The following IPPK variants were observed in gnomAD, a reference collection of about 807,000 sequenced individuals.
IPPK encodes inositol-pentakisphosphate 2-kinase, also known as IPK1 homolog.
IPPK carries 22 observed loss-of-function variants against 64.6 expected under a neutral mutation model. That is an observed-to-expected ratio of 0.34 (90% CI 0.24 to 0.49). The LOEUF is 0.49. IPPK is among the 20% of genes least tolerant of loss of function. The probability of loss-of-function intolerance (pLI) is 0.99; values close to 1 mark genes in which losing one functional copy is unlikely to be tolerated. For missense variants in IPPK, 532 were observed against 630.7 expected (o/e 0.84, Z 1.68); for synonymous variants, 262 against 247.2 (o/e 1.06, Z -0.56).
intron 3 of IPPK, 91 bp from the exon 4 acceptor site, chr9:92,652,730 G>A: frequency 1.7e-6 from 1 of 600,668 alleles, no homozygotes; most frequent in Non-Finnish European, 2.9e-6. Context: ...CAGTTGAGCT[G>A]TTGGTTTTTA....
chr9:92,629,097 A>G (rs1208639232), intron 11 of IPPK, among the ~76,000 whole-genome samples: 1 of 152,120 alleles, frequency 6.6e-6, no homozygotes, highest in Non-Finnish European at 1.5e-5. Context: ...TGTCTCTGAA[A>G]AAAAAGAATG....
chr9:92,640,705 C>T lies in IPPK; in HGVS notation c.636+5G>A, dbSNP rs1424649452. On this transcript the variant is annotated splice_donor_5th_base_variant and intron_variant, in intron 8 of 12. Coordinates refer to ENST00000287996, the MANE Select transcript of IPPK (RefSeq NM_022755.6). ...AAACCACCATAGAATCAAAGCAGCT[C>T]TTACCTTAAATATCTTCAAGTTGTT... 3 of 1,601,234 alleles carry T rather than the reference C, an allele frequency of 1.9e-6. No individual in the cohort carries two copies. The highest frequency in any genetic ancestry group is 2.6e-6 in the Non-Finnish European group (3 of 1,168,310).
At chr9:92,655,889 A>G (rs1366333855) in intron 3 of IPPK, among the ~76,000 whole-genome samples, 4 of 152,132 alleles carry the variant, frequency 2.6e-5, no homozygotes, top group Admixed American at 2.0e-4. Context: ...CCAGGTCTCA[A>G]AACTACAGAT....
At chr9:92,642,654 TCCTA>T (rs1462478545) in intron 7 of IPPK, 94 bp downstream of exon 7, 12 of 1,032,434 alleles carry the variant, frequency 1.2e-5, no homozygotes, top group Non-Finnish European at 1.8e-5. Context: ...TTCCCTGCCT[TCCTA>T]CCTCACGAAA....
chr9:92,629,332 A>G (rs1434062933), intron 11 of IPPK, among the ~76,000 whole-genome samples: 1 of 152,260 alleles, frequency 6.6e-6, no homozygotes, highest in African/African-American at 2.4e-5. Context: ...TGCATCTAAG[A>G]TATTACCAAG....
intron 8 of IPPK, among the ~76,000 whole-genome samples, chr9:92,639,888 GC>G (rs1161218488): frequency 6.6e-6 from 1 of 152,168 alleles, no homozygotes; most frequent in Non-Finnish European, 1.5e-5. Flanking sequence ...CAGGTCAAGA[GC>G]AGGCGCCATC....
intron 12 of IPPK, chr9:92,618,542 A>G (rs1163807297): frequency 2.2e-6 from 1 of 456,706 alleles, no homozygotes; most frequent in Admixed American, 2.3e-5. Context: ...GGGCTGCTGA[A>G]CAGTGGTATC....
intron 12 of IPPK, chr9:92,618,237 G>C (rs1406816695): frequency 6.6e-6 from 3 of 456,496 alleles, no homozygotes; most frequent in African/African-American, 6.0e-5. Flanking sequence ...GTGCAGGATG[G>C]TTCCAGTGCC....
At chr9:92,630,802 A>G (rs1299259060) in intron 11 of IPPK, among the ~76,000 whole-genome samples, 1 of 152,222 alleles carries the variant, frequency 6.6e-6, no homozygotes, top group African/African-American at 2.4e-5. Flanking sequence ...TAGACTTTAA[A>G]TATGCAGGAT....
At chr9:92,631,869 T>A (rs544938265) in intron 11 of IPPK, among the ~76,000 whole-genome samples, 23 of 152,378 alleles carry the variant, frequency 1.5e-4, no homozygotes, top group Admixed American at 5.2e-4. Context: ...AGGGATCCCC[T>A]GGTTTGACCT....
intron 11 of IPPK, among the ~76,000 whole-genome samples, chr9:92,632,026 C>A (rs1851855566): frequency 6.6e-6 from 1 of 152,214 alleles, no homozygotes; most frequent in East Asian, 1.9e-4. Flanking sequence ...CCCTGGAGGT[C>A]CACCTGGGCT....
At chr9:92,648,295 G>C in intron 5 of IPPK, 147 bp from the exon 6 acceptor site, 1 of 644,586 alleles carries the variant, frequency 1.6e-6, no homozygotes, top group Admixed American at 2.6e-5. Flanking sequence ...GCACCTCCCA[G>C]CGGGAACAAC....
intron 3 of IPPK, among the ~76,000 whole-genome samples, chr9:92,653,028 C>A (rs918213487): frequency 1.3e-5 from 2 of 152,150 alleles, no homozygotes; most frequent in African/African-American, 4.8e-5. Context: ...CATGGAAGAC[C>A]CTTACTGACC....
chr9:92,642,769 G>T lies in IPPK; in HGVS notation c.546C>A (p.Pro182=), dbSNP rs1852077743. 2 of 1,613,980 alleles carry T rather than the reference G, an allele frequency of 1.2e-6. No homozygotes were observed. Among genetic ancestry groups the T allele is most frequent in the Non-Finnish European group, 1.7e-6 (2 of 1,179,924 alleles). The stretch of plus-strand genomic sequence containing the variant: ...TCTCTTACCCTGAGTAGAGATCAAG[G>T]GGACAGTATTTGCTGATCTGCTTCC... ...GKWKQISKYC[P]LDLYSGNKQR... is the part of the protein sequence containing the mutation. Residue 182 remains proline, a synonymous_variant, in exon 7 of 13, where the codon CCC becomes CCA. Coordinates refer to ENST00000287996, the MANE Select transcript of IPPK (RefSeq NM_022755.6).
Position 92,619,579 on chromosome 9 carries a change from A to G in IPPK, c.1171-14T>C. 1 of 1,567,714 alleles carries G rather than the reference A, an allele frequency of 6.4e-7. No individual in the cohort carries two copies. The highest frequency in any genetic ancestry group is 1.7e-4 in the Middle Eastern group (1 of 6,002). On this transcript the variant is annotated splice_polypyrimidine_tract_variant and intron_variant, in intron 11 of 12. Coordinates refer to ENST00000287996, the MANE Select transcript of IPPK (RefSeq NM_022755.6). ...GTACTGCTGCACCTGCAGGGGCGGG[A>G]AAGATCAGCTCCAGGTCACACAGGA... is the stretch of plus-strand genomic sequence containing the variant.
At chr9:92,665,139 C>T (rs908497769) in intron 1 of IPPK, among the ~76,000 whole-genome samples, 6 of 152,198 alleles carry the variant, frequency 3.9e-5, no homozygotes, top group African/African-American at 1.4e-4. Context: ...ACATCAGCTG[C>T]GTCAGCCTAG....
chr9:92,650,753 A>G (rs1336917895), intron 4 of IPPK, among the ~76,000 whole-genome samples: 1 of 152,148 alleles, frequency 6.6e-6, no homozygotes, highest in Non-Finnish European at 1.5e-5. Flanking sequence ...TAATTCCACA[A>G]CACCCTTAGC....
At chr9:92,663,968 G>A (rs1015333232) in intron 1 of IPPK, among the ~76,000 whole-genome samples, 1 of 152,216 alleles carries the variant, frequency 6.6e-6, no homozygotes, top group Non-Finnish European at 1.5e-5. Context: ...AGCTTCTTCC[G>A]AATTGTGAAG....
At chr9:92,629,521 G>A (rs1211337176) in intron 11 of IPPK, among the ~76,000 whole-genome samples, 1 of 152,142 alleles carries the variant, frequency 6.6e-6, no homozygotes, top group East Asian at 1.9e-4. Flanking sequence ...GGAGGCCGAG[G>A]TGGGTGGATC....
Sources: gnomAD v4.1 joint callset for allele counts (sites outside exome capture counted in the v4.1 genomes callset) on GRCh38, gnomAD v4.1.1 for gene constraint, MANE v1.5 for transcripts, NCBI Gene and HGNC (gene_info 2026-07-23, HGNC 2026-07-21) for gene names.